CSGALNACT1: variants seen among roughly 807,000 people sequenced by gnomAD.
CSGALNACT1 encodes chondroitin sulfate N-acetylgalactosaminyltransferase 1.
In CSGALNACT1, 52 loss-of-function variants were observed where a neutral mutation model predicts 51.0. The observed-to-expected ratio is 1.02, with a 90% CI of 0.82 to 1.29. The LOEUF is 1.29. Among genes scored for constraint, CSGALNACT1 ranks in the 50% most tolerant of loss-of-function variants. The probability of loss-of-function intolerance (pLI) is 0.00; values close to 1 mark genes in which losing one functional copy is unlikely to be tolerated. For missense variants in CSGALNACT1, 935 were observed against 679.2 expected (o/e 1.38, Z -4.19); for synonymous variants, 341 against 254.4 (o/e 1.34, Z -3.24).
intron 1 of CSGALNACT1, among the ~76,000 whole-genome samples, chr8:19,653,978 C>T (rs2058051662): frequency 6.6e-6 from 1 of 152,118 alleles, no homozygotes; most frequent in Non-Finnish European, 1.5e-5. Flanking sequence ...GGAAACCATG[C>T]TAGGTTCACA....
intron 2 of CSGALNACT1, among the ~76,000 whole-genome samples, chr8:19,593,908 T>C (rs983618509): frequency 1.3e-5 from 2 of 152,170 alleles, no homozygotes; most frequent in African/African-American, 4.8e-5. Context: ...AACTTAATTT[T>C]CCTTCCCTGT....
At position 19,611,501 on chromosome 8, in the gene CSGALNACT1, T is replaced by A. The variant is rs552739708; in HGVS notation, c.-543-9636A>T. On this transcript the variant is annotated intron_variant, in intron 1 of 9. Coordinates refer to the CSGALNACT1 transcript ENST00000332246. ...CTCACCTAAGAAGCTAAGAGACGTA[T>A]ATAATCTTCACTCTCTATGTTACAG... 3.9e-5 allele frequency among the ~76,000 whole-genome samples: 6 copies of A among 152,320 alleles called. No individual in the cohort carries two copies. The South Asian group carries it at 1.0e-3, about 26-fold the overall frequency.
At chr8:19,724,972 C>T (rs1226643864) in intron 1 of CSGALNACT1, among the ~76,000 whole-genome samples, 1 of 152,188 alleles carries the variant, frequency 6.6e-6, no homozygotes, top group African/African-American at 2.4e-5. Flanking sequence ...CTCTGAGAGC[C>T]CTGCTGCCCC....
intron 1 of CSGALNACT1, among the ~76,000 whole-genome samples, chr8:19,646,174 C>A (rs1263418627): frequency 6.6e-6 from 1 of 152,010 alleles, no homozygotes; most frequent in Non-Finnish European, 1.5e-5. Flanking sequence ...ACTCAGTAGA[C>A]TGACAAGAGA....
chr8:19,545,671 C>T (rs1175710467), intron 3 of CSGALNACT1, among the ~76,000 whole-genome samples: 4 of 151,768 alleles, frequency 2.6e-5, no homozygotes, highest in African/African-American at 9.7e-5. Context: ...GGAGAAAAAA[C>T]GTAAGGAAAT....
chr8:19,457,444 C>T (rs190965438), intron 5 of CSGALNACT1: 13 of 361,644 alleles, frequency 3.6e-5, no homozygotes, highest in Admixed American at 2.2e-4. Flanking sequence ...GAAACCCGGT[C>T]TCTACTAAAA....
At chr8:19,542,027 G>C (rs777867850) in intron 3 of CSGALNACT1, among the ~76,000 whole-genome samples, 8 of 152,146 alleles carry the variant, frequency 5.3e-5, no homozygotes, top group Non-Finnish European at 8.8e-5. Flanking sequence ...CTTTGGCATG[G>C]ATAGATCTTA....
intron 2 of CSGALNACT1, among the ~76,000 whole-genome samples, chr8:19,600,994 G>A (rs2050300941): frequency 6.6e-6 from 1 of 151,556 alleles, no homozygotes; most frequent in Non-Finnish European, 1.5e-5. Context: ...AAGACTCTCT[G>A]CTGAAGCTTG....
rs12155539 is a variant in CSGALNACT1 at position 19,458,575 on chromosome 8, G to C, written c.702C>G (p.His234Gln). 195 of 1,613,936 alleles carry C rather than the reference G, an allele frequency of 1.2e-4. 2 individuals carry two copies. In the African/African-American group the frequency reaches 2.2e-3, roughly 18 times the overall value. The change falls in exon 5 of 10, where the codon CAC becomes CAG. Residue 234 changes from histidine (H) to glutamine (Q), a missense_variant. His to Gln is a conservative substitution (Grantham distance 24). Transcript: ENST00000454498. ...GAAATAAGATGAGCCGTTTGAATTCGTGTTTGTGGTCCCCTTTGAAGGTGA... is the reference window on the plus strand; with the variant it reads ...GAAATAAGATGAGCCGTTTGAATTCCTGTTTGTGGTCCCCTTTGAAGGTGA...
chr8:19,528,350 C>T (rs890831550), intron 3 of CSGALNACT1, among the ~76,000 whole-genome samples: 2 of 151,750 alleles, frequency 1.3e-5, no homozygotes, highest in Admixed American at 6.6e-5. Context: ...CATGTTATTC[C>T]GCTATTAGAC....
intron 3 of CSGALNACT1, among the ~76,000 whole-genome samples, chr8:19,590,799 A>C (rs1234500626): frequency 6.6e-6 from 1 of 151,648 alleles, no homozygotes; most frequent in Non-Finnish European, 1.5e-5. Flanking sequence ...ACAGGTGTCC[A>C]CCACCACACC....
At chr8:19,418,813 G>A in intron 7 of CSGALNACT1, 63 bp from the exon 7 acceptor site, 2 of 1,196,368 alleles carry the variant, frequency 1.7e-6, no homozygotes, top group East Asian at 4.7e-5. Flanking sequence ...TTTGTTCCTT[G>A]ACATTTGGCC....
chr8:19,576,110 T>G (rs1321039847), intron 3 of CSGALNACT1, among the ~76,000 whole-genome samples: 1 of 152,120 alleles, frequency 6.6e-6, no homozygotes, highest in Non-Finnish European at 1.5e-5. Context: ...TGCAGGCTCC[T>G]CTGATGATAG....
At chr8:19,511,083 C>T (rs1313297124) in intron 3 of CSGALNACT1, among the ~76,000 whole-genome samples, 2 of 152,248 alleles carry the variant, frequency 1.3e-5, no homozygotes, top group East Asian at 1.9e-4. Context: ...GCTGATGACA[C>T]GCTGTCAGGG....
intron 1 of CSGALNACT1, chr8:19,682,355 C>T: frequency 6.6e-6 from 2 of 303,104 alleles, no homozygotes; most frequent in Non-Finnish European, 1.3e-5. Flanking sequence ...GGCAAGCTCA[C>T]TTACCTCCCT....
chr8:19,702,815 G>C (rs904661029), intron 1 of CSGALNACT1, among the ~76,000 whole-genome samples: 3 of 152,138 alleles, frequency 2.0e-5, no homozygotes, highest in African/African-American at 7.2e-5. Flanking sequence ...AGCTGCCATG[G>C]ATCTAGTGCA....
chr8:19,714,377 G>A (rs1321358919), intron 1 of CSGALNACT1, among the ~76,000 whole-genome samples: 1 of 151,808 alleles, frequency 6.6e-6, no homozygotes. Flanking sequence ...AACCCCCTGA[G>A]CCTCTCGGAT....
At chr8:19,514,300 C>G (rs1444334688) in intron 3 of CSGALNACT1, among the ~76,000 whole-genome samples, 1 of 151,716 alleles carries the variant, frequency 6.6e-6, no homozygotes, top group African/African-American at 2.4e-5. Flanking sequence ...CTACTTAGCA[C>G]AGGTACTGGC....
Position 19,486,200 on chromosome 8 carries a change from G to C in CSGALNACT1, c.634+19001C>G, listed in dbSNP as rs538788841. ...TTTTCCCAGGTGTGCCTTTAGGCTGGCTTAATGAGCCTTGATGATTGGTGA... is the reference window on the plus strand; with the variant it reads ...TTTTCCCAGGTGTGCCTTTAGGCTGCCTTAATGAGCCTTGATGATTGGTGA... On this transcript the variant is annotated intron_variant, in intron 4 of 9. Transcript: ENST00000454498. 2.6e-5 allele frequency among the ~76,000 whole-genome samples: 4 copies of C among 151,906 alleles called. No individual in the cohort carries two copies. The South Asian group carries it at 8.3e-4, about 32-fold the overall frequency.
Sources: allele counts gnomAD v4.1 joint callset (sites outside exome capture counted in the v4.1 genomes callset), GRCh38; gene constraint gnomAD v4.1.1; transcripts MANE v1.5; gene names NCBI Gene and HGNC (gene_info 2026-07-23, HGNC 2026-07-21).